The following DNM3 variants were observed in gnomAD, a reference collection of about 807,000 sequenced individuals.
The protein encoded by DNM3 is dynamin 3, also known as dynamin-3.
Under a neutral mutation model 101.6 loss-of-function variants are expected in DNM3, and 47 were observed. The observed-to-expected ratio is 0.46, with a 90% CI of 0.37 to 0.59. The LOEUF (loss-of-function observed/expected upper bound fraction) is 0.59. DNM3 is among the 20% of genes least tolerant of loss of function. DNM3 has a pLI of 0.00. For missense variants in DNM3, 849 were observed against 1,085.7 expected (o/e 0.78, Z 3.06); for synonymous variants, 385 against 387.9 (o/e 0.99, Z 0.09).
intron 15 of DNM3, among the ~76,000 whole-genome samples, chr1:172,305,320 A>G (rs922308641): frequency 2.0e-5 from 3 of 152,226 alleles, no homozygotes; most frequent in African/African-American, 7.2e-5. Flanking sequence ...ACACCATCCT[A>G]AGACTAAACA....
intron 18 of DNM3, among the ~76,000 whole-genome samples, chr1:172,386,420 A>G (rs1223545929): frequency 6.6e-6 from 1 of 152,140 alleles, no homozygotes; most frequent in African/African-American, 2.4e-5. Flanking sequence ...CCTCCCCCTG[A>G]GACTCCCACA....
At chr1:172,231,819 G>A (rs1387652505) in intron 14 of DNM3, among the ~76,000 whole-genome samples, 5 of 152,180 alleles carry the variant, frequency 3.3e-5, no homozygotes, top group African/African-American at 7.2e-5. Context: ...TAGCCAATTC[G>A]ATCAAATGGA....
At chr1:172,318,549 T>C (rs1292291066) in intron 16 of DNM3, among the ~76,000 whole-genome samples, 1 of 152,100 alleles carries the variant, frequency 6.6e-6, no homozygotes, top group South Asian at 2.1e-4. Flanking sequence ...TCTCAGGATA[T>C]ACAATCAATG....
At chr1:172,103,266 T>C (rs2054782544) in intron 13 of DNM3, among the ~76,000 whole-genome samples, 1 of 152,202 alleles carries the variant, frequency 6.6e-6, no homozygotes. Context: ...ATATTGTACA[T>C]GTTTTGTTCT....
At position 172,387,284 on chromosome 1, in the gene DNM3, G is replaced by A. The variant is rs1440157414; in HGVS notation, c.2210G>A (p.Gly737Glu). ...CTGAAAGAAGCCCTTGGGATAATTG[G>A]GGACATCAGCACAGCCACCGTGTCC... ...QALKEALGIIGDISTATVSTP... is the reference protein window; with the variant it reads ...QALKEALGIIEDISTATVSTP... Residue 737 changes from glycine to glutamate, a missense_variant, in exon 19 of 21, where the codon GGG becomes GAG. Physicochemically the swap from Gly to Glu is moderately conservative, Grantham distance 98. Transcript: ENST00000627582. 1.9e-6 allele frequency: 3 copies of A among 1,613,744 alleles called. No individual in the cohort carries two copies. In the South Asian group the frequency reaches 3.3e-5, roughly 18 times the overall value.
At chr1:172,117,686 C>T (rs951290374) in intron 13 of DNM3, among the ~76,000 whole-genome samples, 1 of 152,128 alleles carries the variant, frequency 6.6e-6, no homozygotes, top group Non-Finnish European at 1.5e-5. Flanking sequence ...ATCAGGGTCC[C>T]ACAAGTATCA....
At chr1:172,375,676 A>G (rs922914354) in intron 17 of DNM3, among the ~76,000 whole-genome samples, 14 of 152,060 alleles carry the variant, frequency 9.2e-5, no homozygotes, top group South Asian at 2.1e-4. Context: ...GTATGGTGAG[A>G]ATTATTTCTG....
chr1:172,148,165 A>G (rs2057989486), intron 14 of DNM3, among the ~76,000 whole-genome samples: 1 of 152,096 alleles, frequency 6.6e-6, no homozygotes, highest in Non-Finnish European at 1.5e-5. Context: ...TGTTGTTAAA[A>G]TGCCAATTAA....
rs201375728 is a variant in DNM3, at chr1:171,979,008, TAGAG to T, written c.236-8641_236-8638del. Reference sequence around the variant, plus strand: ...GGCAATGAGATTAGATGAGATCACTTAGAGAGAGAGGATAGAGATGAAAAAGAGG... The same window carrying T: ...GGCAATGAGATTAGATGAGATCACTTAGAGAGGATAGAGATGAAAAAGAGG... On this transcript the variant is annotated intron_variant, in intron 2 of 20. Transcript: ENST00000627582. 6.8e-4 allele frequency among the ~76,000 whole-genome samples: 103 copies of T among 152,092 alleles called. 2 individuals carry two copies. The highest frequency in any genetic ancestry group is 1.3e-3 in the Non-Finnish European group (88 of 67,988).
chr1:172,252,259 C>G (rs902517537), intron 14 of DNM3, among the ~76,000 whole-genome samples: 3 of 152,054 alleles, frequency 2.0e-5, no homozygotes, highest in Non-Finnish European at 1.5e-5. Context: ...TAGAATGCTA[C>G]CTTTTTGCTA....
chr1:172,008,272 T>C (rs1032498345), intron 4 of DNM3, among the ~76,000 whole-genome samples: 1 of 152,078 alleles, frequency 6.6e-6, no homozygotes, highest in Non-Finnish European at 1.5e-5. Flanking sequence ...AAAAAATCTT[T>C]ATCTAGATCA....
At chr1:171,887,552 A>G (rs1374991247) in intron 1 of DNM3, among the ~76,000 whole-genome samples, 1 of 152,210 alleles carries the variant, frequency 6.6e-6, no homozygotes, top group Non-Finnish European at 1.5e-5. Context: ...CAGTGTAGCA[A>G]AATAACTCCA....
Position 172,085,741 on chromosome 1 carries a change from C to T in DNM3, c.1493+3839C>T, listed in dbSNP as rs527874025. 1.2e-4 allele frequency among the ~76,000 whole-genome samples: 19 copies of T among 152,222 alleles called. No individual in the cohort carries two copies. The East Asian group carries it at 3.3e-3, about 26-fold the overall frequency. The stretch of plus-strand genomic sequence containing the variant: ...TGATCCTCTGGAATGCCTCTATTGC[C>T]GTTTTACTGAAGGCAGTGCATTTCA... On this transcript the variant is annotated intron_variant, in intron 12 of 20. Coordinates refer to ENST00000627582, the MANE Select transcript of DNM3 (RefSeq NM_015569.5).
At chr1:172,379,327 G>A in intron 18 of DNM3, 145 bp downstream of exon 18, 2 of 779,226 alleles carry the variant, frequency 2.6e-6, no homozygotes, top group East Asian at 2.8e-5. Context: ...GACGTGATAT[G>A]TGACTGACCA....
intron 4 of DNM3, among the ~76,000 whole-genome samples, chr1:172,016,216 A>C (rs997362637): frequency 2.0e-5 from 3 of 151,576 alleles, no homozygotes; most frequent in Non-Finnish European, 4.4e-5. Flanking sequence ...AAAAAGAATG[A>C]TGTTAACTGT....
chr1:172,184,816 G>C (rs907913785), intron 14 of DNM3, among the ~76,000 whole-genome samples: 1 of 152,048 alleles, frequency 6.6e-6, no homozygotes, highest in Admixed American at 6.6e-5. Flanking sequence ...GAAGTTCATC[G>C]CTTTCCTGTC....
intron 2 of DNM3, among the ~76,000 whole-genome samples, chr1:171,981,364 AT>A (rs1052418666): frequency 1.3e-5 from 2 of 152,208 alleles, no homozygotes; most frequent in African/African-American, 4.8e-5. Context: ...ACAAGAGATC[AT>A]TTTTTCCTAG....
At chr1:172,237,252 T>A (rs2061578574) in intron 14 of DNM3, among the ~76,000 whole-genome samples, 1 of 152,120 alleles carries the variant, frequency 6.6e-6, no homozygotes, top group Non-Finnish European at 1.5e-5. Flanking sequence ...AAGTTAGGTT[T>A]ATTTTTTTTT....
At chr1:172,316,616 C>G (rs190657095) in intron 16 of DNM3, among the ~76,000 whole-genome samples, 26 of 152,048 alleles carry the variant, frequency 1.7e-4, no homozygotes, top group African/African-American at 6.0e-4. Flanking sequence ...AGACTTTAAA[C>G]CAACAAAGAT....
Sources: gnomAD v4.1 joint callset for allele counts (sites outside exome capture counted in the v4.1 genomes callset) on GRCh38, gnomAD v4.1.1 for gene constraint, MANE v1.5 for transcripts, NCBI Gene and HGNC (gene_info 2026-07-23, HGNC 2026-07-21) for gene names.